The following NKAIN2 variants were observed in gnomAD, a reference collection of about 807,000 sequenced individuals.
The protein encoded by NKAIN2 is sodium/potassium transporting ATPase interacting 2.
Under a neutral mutation model 32.6 loss-of-function variants are expected in NKAIN2, and 14 were observed. The observed-to-expected ratio is 0.43, with a 90% CI of 0.28 to 0.67. NKAIN2 has a LOEUF of 0.67. Ranked by LOEUF, NKAIN2 falls within the 30% of genes least tolerant of loss-of-function variation. The pLI, the probability that NKAIN2 is intolerant of heterozygous loss-of-function variation, is 0.17. For synonymous variants in NKAIN2, 80 were observed against 87.2 expected (o/e 0.92, Z 0.46); for missense variants, 198 against 258.3 (o/e 0.77, Z 1.60).
intron 1 of NKAIN2, among the ~76,000 whole-genome samples, chr6:124,000,495 T>C (rs369127181): frequency 1.3e-5 from 2 of 152,056 alleles, no homozygotes; most frequent in Non-Finnish European, 2.9e-5. Flanking sequence ...CATTAATACA[T>C]TGAATTTTAG....
chr6:124,359,766 G>C (rs140847199), intron 3 of NKAIN2, among the ~76,000 whole-genome samples: 1,761 of 152,016 alleles, frequency 0.012, 36 homozygotes, highest in African/African-American at 0.04. Flanking sequence ...CCCTTTATTT[G>C]CTTCTCCTGC....
chr6:124,784,422 G>C (rs1191189388), intron 4 of NKAIN2, among the ~76,000 whole-genome samples: 2 of 151,984 alleles, frequency 1.3e-5, no homozygotes, highest in African/African-American at 4.8e-5. Context: ...CCACCAACCT[G>C]TTCTCGATTT....
chr6:124,058,359 G>A (rs546918673), intron 1 of NKAIN2, among the ~76,000 whole-genome samples: 2 of 152,042 alleles, frequency 1.3e-5, no homozygotes, highest in African/African-American at 4.8e-5. Flanking sequence ...AAGAAAGAAT[G>A]CCCATCAGAA....
intron 1 of NKAIN2, among the ~76,000 whole-genome samples, chr6:123,871,695 A>G (rs1772895195): frequency 6.6e-6 from 1 of 152,142 alleles, no homozygotes; most frequent in East Asian, 1.9e-4. Flanking sequence ...TATGGAAGTG[A>G]TTTCTCCCTA....
intron 3 of NKAIN2, among the ~76,000 whole-genome samples, chr6:124,493,884 C>A (rs942270351): frequency 2.0e-5 from 3 of 151,980 alleles, no homozygotes; most frequent in African/African-American, 7.2e-5. Flanking sequence ...TCAAGAGCAT[C>A]CTCCAAAATC....
chr6:124,331,345 C>CAAAAAAAAAAAAAAAAAAAAAAAAAAAAA (rs1162529828), intron 2 of NKAIN2, among the ~76,000 whole-genome samples: 1 of 20,816 alleles, frequency 4.8e-5, no homozygotes, highest in Admixed American at 1.1e-3. Context: ...ACTAAATATA[C>CAAAAAAAAAAAAAAAAAAAAAAAAAAAAA]AAAAAAAAAA....
intron 4 of NKAIN2, among the ~76,000 whole-genome samples, chr6:124,724,113 C>G (rs1341869610): frequency 6.6e-6 from 1 of 152,168 alleles, no homozygotes; most frequent in Non-Finnish European, 1.5e-5. Context: ...AACACCAAGG[C>G]AGCAAGGAAG....
At chr6:124,300,289 C>A (rs1224403013) in intron 2 of NKAIN2, among the ~76,000 whole-genome samples, 1 of 152,104 alleles carries the variant, frequency 6.6e-6, no homozygotes, top group Non-Finnish European at 1.5e-5. Context: ...AGTATTCCTG[C>A]ACAAGCTGTC....
chr6:123,849,968 TTG>T (rs1491429765), intron 1 of NKAIN2, among the ~76,000 whole-genome samples: 3,011 of 66,140 alleles, frequency 0.046, 130 homozygotes, highest in East Asian at 0.1. Flanking sequence ...TTTTGTTTGT[TTG>T]TTTTTTTTTT....
intron 3 of NKAIN2, among the ~76,000 whole-genome samples, chr6:124,528,040 A>G (rs540344909): frequency 1.3e-5 from 2 of 152,316 alleles, no homozygotes; most frequent in East Asian, 1.9e-4. Flanking sequence ...TTGAAACTCT[A>G]TCTGAAGGTC....
chr6:123,875,412 G>A (rs1283932675), intron 1 of NKAIN2, among the ~76,000 whole-genome samples: 4 of 151,800 alleles, frequency 2.6e-5, no homozygotes, highest in Admixed American at 6.6e-5. Context: ...TTGATTATTG[G>A]TGAGGTTAAA....
At chr6:124,194,406 C>T (rs1005640125) in intron 1 of NKAIN2, among the ~76,000 whole-genome samples, 2 of 151,920 alleles carry the variant, frequency 1.3e-5, no homozygotes, top group Non-Finnish European at 2.9e-5. Context: ...GAGCATCTTT[C>T]ATTGACGGCA....
intron 4 of NKAIN2, among the ~76,000 whole-genome samples, chr6:124,676,862 T>G (rs566180334): frequency 6.6e-6 from 1 of 152,198 alleles, no homozygotes; most frequent in South Asian, 2.1e-4. Context: ...TCTTTTTCCA[T>G]CCTTTCACAT....
chr6:124,056,196 T>C (rs1204333347), intron 1 of NKAIN2, among the ~76,000 whole-genome samples: 1 of 151,770 alleles, frequency 6.6e-6, no homozygotes, highest in African/African-American at 2.4e-5. Context: ...TGCTGATGCC[T>C]GGAAACTGTC....
intron 1 of NKAIN2, among the ~76,000 whole-genome samples, chr6:123,965,973 G>A (rs1010189196): frequency 6.6e-6 from 1 of 152,172 alleles, no homozygotes; most frequent in Non-Finnish European, 1.5e-5. Flanking sequence ...AGGCAAGTCT[G>A]TGTAGCTAGC....
intron 1 of NKAIN2, among the ~76,000 whole-genome samples, chr6:124,228,776 T>C (rs778028612): frequency 6.6e-6 from 1 of 152,192 alleles, no homozygotes; most frequent in Non-Finnish European, 1.5e-5. Context: ...ATGAAGTCAA[T>C]TTTTAATGTA....
chr6:124,164,281 G>C (rs1306969097), intron 1 of NKAIN2, among the ~76,000 whole-genome samples: 1 of 152,006 alleles, frequency 6.6e-6, no homozygotes, highest in Non-Finnish European at 1.5e-5. Flanking sequence ...TTCCCAAACT[G>C]TGTATTAAAG....
chr6:124,805,465 G>A (rs990267444), intron 5 of NKAIN2, among the ~76,000 whole-genome samples: 7 of 152,154 alleles, frequency 4.6e-5, no homozygotes, highest in African/African-American at 1.7e-4. Flanking sequence ...CAAACAGAAA[G>A]GACATCCACA....
At chr6:124,527,946 C>T (rs1388581755) in intron 3 of NKAIN2, among the ~76,000 whole-genome samples, 1 of 152,166 alleles carries the variant, frequency 6.6e-6, no homozygotes, top group East Asian at 1.9e-4. Context: ...GCACCTAGAA[C>T]ATAAGGCAGA....
Sources: allele counts gnomAD v4.1 joint callset (sites outside exome capture counted in the v4.1 genomes callset), GRCh38; gene constraint gnomAD v4.1.1; transcripts MANE v1.5; gene names NCBI Gene and HGNC (gene_info 2026-07-23, HGNC 2026-07-21).